The following CEP89 variants were observed in gnomAD, a reference collection of about 807,000 sequenced individuals.
CEP89 encodes the protein centrosomal protein of 89 kDa.
Under a neutral mutation model 97.6 loss-of-function variants are expected in CEP89, and 95 were observed. The observed-to-expected ratio is 0.97, with a 90% confidence interval of 0.82 to 1.15. CEP89 has a LOEUF of 1.15. Among genes scored for constraint, CEP89 ranks in the 50% most tolerant of loss-of-function variants. The probability of loss-of-function intolerance (pLI) is 0.00; values close to 1 mark genes in which losing one functional copy is unlikely to be tolerated. For missense variants in CEP89, 869 were observed against 947.7 expected (o/e 0.92, Z 1.09); for synonymous variants, 354 against 349.1 (o/e 1.01, Z -0.16).
rs563598482 is a variant in CEP89, at chr19:32,876,986, T to C, written c.*2176A>G. On this transcript the variant is annotated 3_prime_UTR_variant, in exon 19 of 19. Coordinates refer to ENST00000305768, the MANE Select transcript of CEP89 (RefSeq NM_032816.5). ...GTCACGATGGCGGGAGCAGCATTCC[T>C]GCTGACAAGCACTCCTGCCCCGCGC... The C allele has an allele frequency of 4.6e-5, 7 of 152,364 alleles. No individual in the cohort carries two copies. Among genetic ancestry groups the C allele is most frequent in the South Asian group, 2.1e-4 (1 of 4,832 alleles). The allele number at this position is 152,364 out of a possible 1,614,324, so 9.4% of individuals were successfully genotyped here.
chr19:32,963,126 C>T (rs1467557134), intron 2 of CEP89, among the ~76,000 whole-genome samples: 2 of 152,160 alleles, frequency 1.3e-5, no homozygotes, highest in African/African-American at 4.8e-5. Context: ...GAGGCCGAGG[C>T]GGGTGGATCA....
chr19:32,899,801 A>G, intron 16 of CEP89, 56 bp downstream of exon 16: 4 of 1,522,160 alleles, frequency 2.6e-6, no homozygotes, highest in Non-Finnish European at 3.6e-6. Context: ...ATACTCTTAA[A>G]ATCACATTTG....
At chr19:32,950,707 T>C (rs1265170229) in intron 4 of CEP89, among the ~76,000 whole-genome samples, 1 of 152,182 alleles carries the variant, frequency 6.6e-6, no homozygotes, top group Admixed American at 6.5e-5. Flanking sequence ...TACACAAATA[T>C]GTACATCAAG....
chr19:32,962,709 G>C (rs1413595074), intron 2 of CEP89, among the ~76,000 whole-genome samples: 1 of 152,140 alleles, frequency 6.6e-6, no homozygotes, highest in Non-Finnish European at 1.5e-5. Context: ...GAAAAGACTT[G>C]CAAATCACAT....
rs1206453687 is a variant in CEP89 at position 32,971,892 on chromosome 19, A to G, written c.-18T>C. 3 of 1,582,282 alleles carry G rather than the reference A, an allele frequency of 1.9e-6. No homozygotes were observed. Among genetic ancestry groups the G allele is most frequent in the African/African-American group, 1.4e-5 (1 of 73,910 alleles). On this transcript the variant is annotated 5_prime_UTR_variant, in exon 1 of 19. Coordinates refer to ENST00000305768, the MANE Select transcript of CEP89 (RefSeq NM_032816.5). ...AGGAGCATCCTTGCAGCGCGAGGAGAATGGACCGGGGCCTGGACTCATCAG... is the reference window on the plus strand; with the variant it reads ...AGGAGCATCCTTGCAGCGCGAGGAGGATGGACCGGGGCCTGGACTCATCAG...
intron 18 of CEP89, among the ~76,000 whole-genome samples, chr19:32,880,373 TTCCAAGGCCCC>T (rs1277644377): frequency 3.3e-5 from 5 of 152,210 alleles, no homozygotes; most frequent in African/African-American, 1.2e-4. Context: ...CGTTCCTTCC[TTCCAAGGCCCC>T]TGATGCCCAC....
chr19:32,908,701 C>T (rs1969940014), intron 14 of CEP89, among the ~76,000 whole-genome samples: 1 of 152,200 alleles, frequency 6.6e-6, no homozygotes, highest in African/African-American at 2.4e-5. Flanking sequence ...TAGGGAGCCC[C>T]TTCCCATGTT....
chr19:32,953,333 G>A (rs2145958300), intron 4 of CEP89, among the ~76,000 whole-genome samples: 1 of 151,886 alleles, frequency 6.6e-6, no homozygotes, highest in Non-Finnish European at 1.5e-5. Context: ...AGGAAATTTA[G>A]CTTCCAAGGT....
intron 10 of CEP89, among the ~76,000 whole-genome samples, chr19:32,926,529 A>G (rs1177605092): frequency 6.6e-6 from 1 of 152,152 alleles, no homozygotes; most frequent in African/African-American, 2.4e-5. Flanking sequence ...GGAGGCATCT[A>G]CAACACCCGC....
rs148714764 is a variant in CEP89 at position 32,939,590 on chromosome 19, A to T, written c.624+267T>A. ...CTACTCGGGAGGCTGAGGTGGGAGGATCGCTTGAGCCTGGAAGACGGAGAC... is the reference window on the plus strand; with the variant it reads ...CTACTCGGGAGGCTGAGGTGGGAGGTTCGCTTGAGCCTGGAAGACGGAGAC... On this transcript the variant is annotated intron_variant, in intron 6 of 18. Transcript: ENST00000305768. 1.4e-3 allele frequency among the ~76,000 whole-genome samples: 208 copies of T among 151,598 alleles called. 8 individuals carry two copies. The East Asian group carries it at 0.039, about 28-fold the overall frequency.
intron 9 of CEP89, 37 bp downstream of exon 9, chr19:32,931,392 A>G: frequency 6.5e-7 from 1 of 1,539,780 alleles, no homozygotes; most frequent in Non-Finnish European, 8.7e-7. Flanking sequence ...AAGGCTTAAA[A>G]ATCTGAAAAG....
chr19:32,879,195 G>C lies in CEP89; in HGVS notation c.2319C>G (p.Ser773=), dbSNP rs1422970319. 1 of 1,613,882 alleles carries C rather than the reference G, an allele frequency of 6.2e-7. No individual in the cohort carries two copies. The highest frequency in any genetic ancestry group is 1.3e-5 in the African/African-American group (1 of 75,060). Reference sequence around the variant, plus strand: ...TGGGGGCATGAGACTTCAGGTCATAGGAGCAGACATCGCAGCCGTCCAGCA... The same window carrying C: ...TGGGGGCATGAGACTTCAGGTCATACGAGCAGACATCGCAGCCGTCCAGCA... ...ADLLDGCDVC[S]YDLKSHAPTC is the part of the protein sequence containing the mutation. Residue 773 remains serine, a synonymous_variant, in exon 19 of 19, where the codon TCC becomes TCG. Coordinates refer to ENST00000305768, the MANE Select transcript of CEP89 (RefSeq NM_032816.5).
chr19:32,922,264 G>C (rs867830508), intron 12 of CEP89, among the ~76,000 whole-genome samples: 1 of 152,136 alleles, frequency 6.6e-6, no homozygotes, highest in Non-Finnish European at 1.5e-5. Context: ...CAAAGGGGCC[G>C]GGTGCAGTGG....
intron 14 of CEP89, among the ~76,000 whole-genome samples, chr19:32,904,068 G>A (rs753227630): frequency 5.9e-5 from 9 of 152,198 alleles, no homozygotes; most frequent in Non-Finnish European, 1.2e-4. Context: ...GCTGAGGCAG[G>A]AGGATCACTT....
At chr19:32,913,457 T>TAC (rs1026485067) in intron 14 of CEP89, among the ~76,000 whole-genome samples, 2 of 152,028 alleles carry the variant, frequency 1.3e-5, no homozygotes, top group Middle Eastern at 3.4e-3. Context: ...GGTATATATA[T>TAC]ACACGCACAT....
intron 1 of CEP89, 50 bp from the exon 2 acceptor site, chr19:32,966,516 C>A (rs773707160): frequency 5.1e-6 from 6 of 1,183,896 alleles, no homozygotes; most frequent in Non-Finnish European, 7.0e-6. Flanking sequence ...CACTGGATCA[C>A]CTGAGTCTTG....
intron 3 of CEP89, among the ~76,000 whole-genome samples, chr19:32,957,346 G>A (rs909654141): frequency 1.3e-5 from 2 of 152,108 alleles, no homozygotes; most frequent in East Asian, 1.9e-4. Context: ...GGGTGGTTGT[G>A]GATTTAATCG....
At chr19:32,957,740 G>A (rs1971078483) in intron 3 of CEP89, among the ~76,000 whole-genome samples, 1 of 152,004 alleles carries the variant, frequency 6.6e-6, no homozygotes, top group Non-Finnish European at 1.5e-5. Flanking sequence ...AACTGAAGAG[G>A]CAAAGGTTGC....
At position 32,926,191 on chromosome 19, in the gene CEP89, T is replaced by C; in HGVS notation, c.1163A>G (p.Lys388Arg). The change falls in exon 11 of 19, where the codon AAG (lysine) becomes AGG (arginine). Residue 388 changes from lysine to arginine, a missense_variant and splice_region_variant. Transcript: ENST00000305768. Reference sequence around the variant, plus strand: ...CTTCTGGGACATTTGCCAGCCTACCTTGAGGGTGGCATTGAGCTCGTCCTT... The same window carrying C: ...CTTCTGGGACATTTGCCAGCCTACCCTGAGGGTGGCATTGAGCTCGTCCTT... ...KEKDELNATL[K>R]EEMRMFRMRV... 1 of 1,608,616 alleles carries C rather than the reference T, an allele frequency of 6.2e-7. No individual in the cohort carries two copies. The highest frequency in any genetic ancestry group is 1.7e-4 in the Middle Eastern group (1 of 6,048).
Sources: allele counts gnomAD v4.1 joint callset (sites outside exome capture counted in the v4.1 genomes callset), GRCh38; gene constraint gnomAD v4.1.1; transcripts MANE v1.5; gene names NCBI Gene and HGNC (gene_info 2026-07-23, HGNC 2026-07-21).